Variants in ZNF587B observed in about 807,000 individuals in gnomAD.
ZNF587B encodes the protein zinc finger protein 587B.
A neutral mutation model predicts 7.2 loss-of-function variants in ZNF587B; 6 were observed. That is an observed-to-expected ratio of 0.83 (90% CI 0.46 to 1.65). ZNF587B has a LOEUF of 1.65. Among genes scored for constraint, ZNF587B ranks in the 40% most tolerant of loss-of-function variants. ZNF587B has a pLI of 0.01. For missense variants in ZNF587B, 749 were observed against 761.0 expected (o/e 0.98, Z 0.19); for synonymous variants, 274 against 254.3 (o/e 1.08, Z -0.74).
In ZNF587B at chr19:57,846,127, A is replaced by T. The variant is rs1989045359; in HGVS notation, c.*3551A>T. On this transcript the variant is annotated 3_prime_UTR_variant, in exon 3 of 3. Transcript: ENST00000594901. ...TTTGTATTTACTTGGAGCCTTTATA[A>T]AGTTTTTCTCTCTGCTCTTCAAACA... The T allele has an allele frequency of 6.6e-6, 1 of 152,146 alleles. No homozygotes were observed. The highest frequency in any genetic ancestry group is 2.1e-4 in the South Asian group (1 of 4,832). 9.4% of individuals were successfully genotyped at this position (152,146 alleles called of 1,614,324 possible). A position where few individuals can be genotyped will look rare whatever the true frequency, so the allele number is the denominator to read the frequency against.
Position 57,844,179 on chromosome 19 carries a change from C to T in ZNF587B, c.*1603C>T. ...CCATGGACCTTCCCCATTTTTGTCC[C>T]AGAGGACTCTTGTGCTGACTTGAAA... On this transcript the variant is annotated 3_prime_UTR_variant, in exon 3 of 3. Transcript: ENST00000594901. The T allele has an allele frequency of 2.5e-6, 1 of 392,312 alleles. No individual in the cohort carries two copies. The highest frequency in any genetic ancestry group is 5.0e-6 in the Non-Finnish European group (1 of 201,492). The allele number at this position is 392,312 out of a possible 1,614,324, so 24.3% of individuals were successfully genotyped here.
chr19:57,830,594 T>C (rs1988338354), intron 1 of ZNF587B, 30 bp downstream of exon 1: 1 of 1,548,944 alleles, frequency 6.5e-7, no homozygotes, highest in Non-Finnish European at 8.7e-7. Context: ...TGCCCTCAGG[T>C]CACCTCATCA....
intron 2 of ZNF587B, among the ~76,000 whole-genome samples, chr19:57,840,093 AAAAAAAAAAAAAAAAAAAAGC>A (rs1437211168): frequency 2.6e-5 from 1 of 39,004 alleles, no homozygotes; most frequent in Admixed American, 3.3e-4. Flanking sequence ...AAAAAAAAAA[AAAAAAAAAAAAAAAAAAAAGC>A]AGCACCCTGG....
intron 1 of ZNF587B, among the ~76,000 whole-genome samples, chr19:57,831,950 C>A (rs1032085625): frequency 2.6e-5 from 4 of 152,012 alleles, no homozygotes; most frequent in Non-Finnish European, 4.4e-5. Context: ...AGGCAATACG[C>A]TCGCCTCGGC....
chr19:57,836,134 C>A (rs1404530848), intron 1 of ZNF587B, among the ~76,000 whole-genome samples: 3 of 151,562 alleles, frequency 2.0e-5, no homozygotes, highest in Non-Finnish European at 4.4e-5. Context: ...AGATGAGATG[C>A]AGGCAGAAGT....
chr19:57,843,600 G>GTTTTTTTTTTTTTTTTTTT lies in ZNF587B; in HGVS notation c.*1026_*1044dup, dbSNP rs771371494. ...GTTGGTTGGTTGGTTGTTTTTTTTT[G>GTTTTTTTTTTTTTTTTTTT]TTTTTTTTTTTTTTTTTTTTGGAGA... is the stretch of plus-strand genomic sequence containing the variant. On this transcript the variant is annotated 3_prime_UTR_variant, in exon 3 of 3. Coordinates refer to ENST00000594901, the MANE Select transcript of ZNF587B (RefSeq NM_001376223.1). 28 of 648,710 alleles carry GTTTTTTTTTTTTTTTTTTT rather than the reference G, an allele frequency of 4.3e-5. No individual in the cohort carries two copies. The highest frequency in any genetic ancestry group is 7.8e-5 in the African/African-American group (2 of 25,494). The allele number at this position is 648,710 out of a possible 1,614,324, so 40.2% of individuals were successfully genotyped here.
intron 1 of ZNF587B, among the ~76,000 whole-genome samples, chr19:57,835,361 C>CTT (rs1179521241): frequency 8.4e-6 from 1 of 119,472 alleles, no homozygotes; most frequent in Admixed American, 8.2e-5. Context: ...TTTGTTTTTG[C>CTT]TTTTTTTTTT....
Position 57,837,743 on chromosome 19 carries a change from G to A in ZNF587B, c.37-1280G>A, listed in dbSNP as rs1460758400. On this transcript the variant is annotated intron_variant, in intron 1 of 2. Transcript: ENST00000594901. ...GATTACAGGCATGAGCCACGCCCCC[G>A]GCCTAGTTTTTTTGTATTTTTAGTA... 2.6e-5 allele frequency among the ~76,000 whole-genome samples: 4 copies of A among 151,588 alleles called. No homozygotes were observed. The East Asian group carries it at 7.9e-4, about 30-fold the overall frequency.
intron 2 of ZNF587B, 33 bp from the exon 3 acceptor site, chr19:57,840,805 A>T (rs1296221549): frequency 6.3e-7 from 1 of 1,578,044 alleles, no homozygotes. Flanking sequence ...ACCAGAGTTA[A>T]CATGCACTTC....
chr19:57,843,302 T>C lies in ZNF587B; in HGVS notation c.*726T>C. 1.0e-6 allele frequency: 1 copy of C among 985,426 alleles called. No individual in the cohort carries two copies. The allele number at this position is 985,426 out of a possible 1,614,324, so 61.0% of individuals were successfully genotyped here. A position where few individuals can be genotyped will look rare whatever the true frequency, so the allele number is the denominator to read the frequency against. ...TCACTGTGCTCAGCCAATTATGTTT[T>C]TCTGTGTAACATGGGAGGAGATCCT... On this transcript the variant is annotated 3_prime_UTR_variant, in exon 3 of 3. Coordinates refer to ENST00000594901, the MANE Select transcript of ZNF587B (RefSeq NM_001376223.1).
chr19:57,842,453 CACTA>C lies in ZNF587B; in HGVS notation c.1781_1784del (p.Thr594IlefsTer44). Reference sequence around the variant, plus strand: ...AATCTTTTGCTGGAATCTCCAGTCTCACTAATCACAGGAGAGTTCACACTGGAGA... The same window carrying C: ...AATCTTTTGCTGGAATCTCCAGTCTCATCACAGGAGAGTTCACACTGGAGA... On this transcript the variant is annotated frameshift_variant, in exon 3 of 3. Transcript: ENST00000594901. LOFTEE classifies it low-confidence loss of function (END_TRUNC). 6.2e-7 allele frequency: 1 copy of C among 1,602,312 alleles called. No homozygotes were observed. The highest frequency in any genetic ancestry group is 8.5e-7 in the Non-Finnish European group (1 of 1,175,132).
chr19:57,839,177 T>C (rs778670607), intron 2 of ZNF587B, 28 bp downstream of exon 2: 85 of 1,612,858 alleles, frequency 5.3e-5, no homozygotes, highest in African/African-American at 2.3e-4. Context: ...ACCCTGTGAC[T>C]TGAGCTAGTC....
At chr19:57,831,876 T>A (rs1988416445) in intron 1 of ZNF587B, among the ~76,000 whole-genome samples, 2 of 151,650 alleles carry the variant, frequency 1.3e-5, no homozygotes, top group South Asian at 4.2e-4. Context: ...GGCTAATTTT[T>A]TGTATTTTTA....
rs1402332163 is a variant in ZNF587B, at chr19:57,841,115, C to G, written c.441C>G (p.Pro147=). 6.2e-7 allele frequency: 1 copy of G among 1,613,846 alleles called. No individual in the cohort carries two copies. Among genetic ancestry groups the G allele is most frequent in the African/African-American group, 1.3e-5 (1 of 74,812 alleles). The change falls in exon 3 of 3, where the codon CCC becomes CCG. Residue 147 remains proline, a synonymous_variant. Transcript: ENST00000594901. ...QHQNEHIGEK[P]YRGSVEEALF... The stretch of plus-strand genomic sequence containing the variant: ...AGAATGAGCACATTGGAGAGAAACC[C>G]TACAGAGGGAGTGTTGAGGAGGCGT...
chr19:57,830,812 A>T (rs1988354330), intron 1 of ZNF587B, among the ~76,000 whole-genome samples: 1 of 151,226 alleles, frequency 6.6e-6, no homozygotes, highest in African/African-American at 2.4e-5. Flanking sequence ...TTAAAAAAAA[A>T]TCCGTTTATT....
At chr19:57,834,908 C>T (rs141709065) in intron 1 of ZNF587B, among the ~76,000 whole-genome samples, 1,389 of 99,296 alleles carry the variant, frequency 0.014, 2 homozygotes, top group African/African-American at 0.022. Flanking sequence ...CTTTCTATTC[C>T]ACCATCCTGC....
Position 57,842,508 on chromosome 19 carries a change from G to A in ZNF587B, c.1834G>A (p.Glu612Lys), listed in dbSNP as rs1355606580. Reference protein sequence around the residue: ...GEKPYGCSECEKKFRKSSSLR... With the variant: ...GEKPYGCSECKKKFRKSSSLR... ...AAAGCCTTATGGGTGTAGTGAATGT[G>A]AAAAAAAATTTAGGAAAAGCTCTTC... Residue 612 changes from glutamate (E) to lysine (K), a missense_variant, in exon 3 of 3, where the codon GAA (glutamate) becomes AAA (lysine). Physicochemically the swap from Glu to Lys is moderately conservative, Grantham distance 56 (BLOSUM62 1). Coordinates refer to ENST00000594901, the MANE Select transcript of ZNF587B (RefSeq NM_001376223.1). The A allele has an allele frequency of 1.6e-5, 25 of 1,561,894 alleles. No homozygotes were observed. The highest frequency in any genetic ancestry group is 2.2e-5 in the Non-Finnish European group (25 of 1,161,180).
chr19:57,841,494 G>C lies in ZNF587B; in HGVS notation c.820G>C (p.Glu274Gln). Residue 274 changes from glutamate to glutamine, a missense_variant, in exon 3 of 3, where the codon GAA becomes CAA. Coordinates refer to ENST00000594901, the MANE Select transcript of ZNF587B (RefSeq NM_001376223.1). ...TGGAAAAAGACCTTATGAATGTGGA[G>C]AATGTGAGAAATCTTTTAGTCAAAA... ...HSGKRPYECG[E>Q]CEKSFSQKSS... is the part of the protein sequence containing the mutation. 1 of 1,586,106 alleles carries C rather than the reference G, an allele frequency of 6.3e-7. No individual in the cohort carries two copies. Among genetic ancestry groups the C allele is most frequent in the South Asian group, 1.1e-5 (1 of 87,842 alleles).
In ZNF587B at chr19:57,843,273, T is replaced by G. The variant is rs1988928371; in HGVS notation, c.*697T>G. ...TCCCAAAGTGCTGAGATTGTAGGTT[T>G]GAGTCACTGTGCTCAGCCAATTATG... On this transcript the variant is annotated 3_prime_UTR_variant, in exon 3 of 3. Transcript: ENST00000594901. The G allele has an allele frequency of 1.0e-6, 1 of 984,572 alleles. No homozygotes were observed. The highest frequency in any genetic ancestry group is 6.2e-5 in the Admixed American group (1 of 16,256). 61.0% of individuals were successfully genotyped at this position (984,572 alleles called of 1,614,324 possible). A position where few individuals can be genotyped will look rare whatever the true frequency, so the allele number is the denominator to read the frequency against.
Sources: allele counts gnomAD v4.1 joint callset (sites outside exome capture counted in the v4.1 genomes callset), GRCh38; gene constraint gnomAD v4.1.1; transcripts MANE v1.5; gene names NCBI Gene and HGNC (gene_info 2026-07-23, HGNC 2026-07-21).